Variants in EVI5 observed in about 807,000 individuals in gnomAD.
EVI5 encodes ecotropic viral integration site 5 protein homolog.
Under a neutral mutation model 112.0 loss-of-function variants are expected in EVI5, and 73 were observed. The observed-to-expected ratio is 0.65, with a 90% CI of 0.54 to 0.79. The LOEUF (loss-of-function observed/expected upper bound fraction) is 0.79, where lower values mean the gene tolerates loss of function less well. Ranked by LOEUF, EVI5 falls within the 30% of genes least tolerant of loss-of-function variation. The pLI is 0.00. For missense variants in EVI5, 900 were observed against 968.8 expected, an observed-to-expected ratio of 0.93 and a Z score of 0.94; for synonymous variants, 305 against 319.9, an observed-to-expected ratio of 0.95 and a Z score of 0.50.
intron 4 of EVI5, 76 bp downstream of exon 4, chr1:92,703,319 C>T (rs1671485450): frequency 1.1e-6 from 1 of 888,586 alleles, no homozygotes; most frequent in South Asian, 1.7e-5. Flanking sequence ...GGAGGTCATG[C>T]TTCATCATGA....
chr1:92,622,845 G>A (rs1654878969), intron 16 of EVI5, among the ~76,000 whole-genome samples: 1 of 152,108 alleles, frequency 6.6e-6, no homozygotes, highest in African/African-American at 2.4e-5. Context: ...CCACCTAGTT[G>A]AAATTAATTT....
chr1:92,723,648 G>T (rs571883264), intron 2 of EVI5, among the ~76,000 whole-genome samples: 1 of 152,262 alleles, frequency 6.6e-6, no homozygotes, highest in Admixed American at 6.5e-5. Context: ...AAATATGTGT[G>T]TTTGAACAAT....
In EVI5 at chr1:92,742,441, A is replaced by G. The variant is rs546912584; in HGVS notation, c.-81-5814T>C. ...TAATCCCAGCACTTCGGGAGGCTGA[A>G]GCAGGTGGATCACCTGAGGTCAGGA... On this transcript the variant is annotated intron_variant, in intron 1 of 19. Coordinates refer to ENST00000684568, the MANE Select transcript of EVI5 (RefSeq NM_001350197.2). 4.1e-4 allele frequency among the ~76,000 whole-genome samples: 62 copies of G among 151,898 alleles called. No homozygotes were observed. The South Asian group carries it at 0.013, about 32-fold the overall frequency.
chr1:92,597,094 A>G (rs1368690086), intron 18 of EVI5, among the ~76,000 whole-genome samples: 1 of 152,192 alleles, frequency 6.6e-6, no homozygotes, highest in Non-Finnish European at 1.5e-5. Flanking sequence ...TAAGAGGCTA[A>G]TAAGAGGTTG....
chr1:92,645,454 G>C (rs1660758672), intron 13 of EVI5, among the ~76,000 whole-genome samples: 1 of 151,542 alleles, frequency 6.6e-6, no homozygotes, highest in South Asian at 2.1e-4. Flanking sequence ...CACTGTGGGG[G>C]AAAGTCACTG....
intron 2 of EVI5, among the ~76,000 whole-genome samples, chr1:92,709,709 T>C (rs1195928937): frequency 6.6e-6 from 1 of 152,198 alleles, no homozygotes; most frequent in Non-Finnish European, 1.5e-5. Context: ...CCCAGTGAAC[T>C]ATAGCATGTA....
intron 13 of EVI5, among the ~76,000 whole-genome samples, chr1:92,653,019 CA>C (rs756523849): frequency 2.0e-5 from 3 of 152,186 alleles, no homozygotes; most frequent in Non-Finnish European, 2.9e-5. Context: ...CCTGCAAACC[CA>C]AACACTGGTG....
chr1:92,692,865 T>C (rs1669710010), intron 9 of EVI5, among the ~76,000 whole-genome samples: 2 of 152,158 alleles, frequency 1.3e-5, no homozygotes, highest in Admixed American at 6.6e-5. Context: ...TTTTATACCA[T>C]AGAAAGTACA....
chr1:92,565,921 G>A (rs1006467060), intron 18 of EVI5, among the ~76,000 whole-genome samples: 1 of 115,812 alleles, frequency 8.6e-6, no homozygotes, highest in Non-Finnish European at 1.6e-5. Flanking sequence ...AGTGAGCTGA[G>A]ATTGCGCCAC....
At chr1:92,629,390 G>A (rs1486245915) in intron 14 of EVI5, among the ~76,000 whole-genome samples, 2 of 152,246 alleles carry the variant, frequency 1.3e-5, no homozygotes, top group East Asian at 1.9e-4. Flanking sequence ...AGGAACAAAC[G>A]ACACAGAGCC....
chr1:92,756,377 T>C (rs1241773865), intron 1 of EVI5: 1 of 527,360 alleles, frequency 1.9e-6, no homozygotes, highest in Non-Finnish European at 3.8e-6. Flanking sequence ...GGAAGTACTG[T>C]TGCAAAATTA....
upstream of EVI5, among the ~76,000 whole-genome samples, chr1:92,789,287 A>G (rs12021539): frequency 0.57 from 86,007 of 151,334 alleles, 26,222 homozygotes; most frequent in East Asian, 0.93. Context: ...GGACTCCTGA[A>G]TTCAAGCCAT....
intron 19 of EVI5, among the ~76,000 whole-genome samples, chr1:92,522,295 C>A (rs1229969172): frequency 1.3e-5 from 2 of 152,106 alleles, no homozygotes; most frequent in South Asian, 4.1e-4. Context: ...ACTTTGAACA[C>A]AGAACTTTGA....
intron 1 of EVI5, among the ~76,000 whole-genome samples, chr1:92,744,596 TCTCTCACACA>T (rs1282577436): frequency 0.044 from 1,110 of 25,506 alleles, 5 homozygotes; most frequent in East Asian, 0.21. Flanking sequence ...TCTCTCTCTC[TCTCTCACACA>T]CACACACACA....
intron 19 of EVI5, among the ~76,000 whole-genome samples, chr1:92,557,512 T>G (rs112119530): frequency 6.6e-6 from 1 of 152,042 alleles, no homozygotes; most frequent in Non-Finnish European, 1.5e-5. Flanking sequence ...TTGGCCAGGC[T>G]AGTCTCAAAC....
At chr1:92,587,269 A>T (rs1256371004) in intron 18 of EVI5, among the ~76,000 whole-genome samples, 2 of 152,120 alleles carry the variant, frequency 1.3e-5, no homozygotes, top group Non-Finnish European at 2.9e-5. Context: ...ATTACAGAAG[A>T]TATTTTTTCA....
chr1:92,588,055 G>C (rs896048723), intron 18 of EVI5, among the ~76,000 whole-genome samples: 1 of 152,086 alleles, frequency 6.6e-6, no homozygotes, highest in Non-Finnish European at 1.5e-5. Flanking sequence ...TAGTATTAAT[G>C]TAAAAATAAA....
intron 18 of EVI5, among the ~76,000 whole-genome samples, chr1:92,595,764 C>G (rs887641694): frequency 1.3e-4 from 20 of 152,082 alleles, no homozygotes; most frequent in Admixed American, 1.2e-3. Context: ...AAGGATCTTA[C>G]AAGGAGGGCC....
At chr1:92,786,077 C>A (rs1362477661), upstream of EVI5, among the ~76,000 whole-genome samples, 2 of 137,436 alleles carry the variant, frequency 1.5e-5, no homozygotes, top group African/African-American at 5.3e-5. Context: ...GGCGACAGAA[C>A]GATACTCTGT....
Sources: gnomAD v4.1 joint callset for allele counts (sites outside exome capture counted in the v4.1 genomes callset) on GRCh38, gnomAD v4.1.1 for gene constraint, MANE v1.5 for transcripts, NCBI Gene and HGNC (gene_info 2026-07-23, HGNC 2026-07-21) for gene names.